The following GALNTL6 variants were observed in gnomAD, a reference collection of about 807,000 sequenced individuals.
The protein encoded by GALNTL6 is polypeptide N-acetylgalactosaminyltransferase-like 6.
GALNTL6 carries 46 observed loss-of-function variants against 73.7 expected under a neutral mutation model. The observed-to-expected ratio is 0.62, with a 90% CI of 0.49 to 0.80. GALNTL6 has a LOEUF of 0.80. Among genes scored for constraint, GALNTL6 ranks in the 30% least tolerant of loss-of-function variants. The pLI, the probability that GALNTL6 is intolerant of heterozygous loss-of-function variation, is 0.00. For synonymous variants in GALNTL6, 259 were observed against 263.7 expected (o/e 0.98, Z 0.17); for missense variants, 604 against 755.0 (o/e 0.80, Z 2.34).
intron 2 of GALNTL6, among the ~76,000 whole-genome samples, chr4:172,155,154 C>T (rs1734216896): frequency 6.6e-6 from 1 of 150,706 alleles, no homozygotes; most frequent in South Asian, 2.1e-4. Context: ...CCTGCCACCA[C>T]GCCCAGCTAA....
chr4:172,431,250 G>A (rs115210315), intron 5 of GALNTL6, among the ~76,000 whole-genome samples: 10 of 152,090 alleles, frequency 6.6e-5, no homozygotes, highest in Non-Finnish European at 1.5e-4. Flanking sequence ...AATGAATTCA[G>A]CTATTACTTA....
intron 3 of GALNTL6, among the ~76,000 whole-genome samples, chr4:172,307,653 A>C (rs112121643): frequency 0.031 from 4,665 of 152,218 alleles, 225 homozygotes; most frequent in African/African-American, 0.1. Flanking sequence ...TTTGTCAAAA[A>C]TCAGTTGGCT....
chr4:171,912,711 C>T (rs1256499576), intron 2 of GALNTL6, among the ~76,000 whole-genome samples: 1 of 152,112 alleles, frequency 6.6e-6, no homozygotes, highest in East Asian at 1.9e-4. Context: ...TTCCTCCACC[C>T]TTCCCAGCCT....
intron 2 of GALNTL6, among the ~76,000 whole-genome samples, chr4:172,132,144 A>G (rs1733515349): frequency 6.6e-6 from 1 of 152,010 alleles, no homozygotes; most frequent in Non-Finnish European, 1.5e-5. Context: ...TGGTTATACA[A>G]AAACACAAAC....
chr4:172,146,882 G>A (rs1292584243), intron 2 of GALNTL6, among the ~76,000 whole-genome samples: 1 of 152,158 alleles, frequency 6.6e-6, no homozygotes, highest in East Asian at 1.9e-4. Flanking sequence ...GCACATATTA[G>A]CTACAATCCC....
chr4:172,882,857 G>T lies in GALNTL6; in HGVS notation c.991G>T (p.Asp331Tyr). 6.2e-7 allele frequency: 1 copy of T among 1,612,876 alleles called. No individual in the cohort carries two copies. Among genetic ancestry groups the T allele is most frequent in the South Asian group, 1.1e-5 (1 of 91,070 alleles). ...ATGGTTTTGGGAATTGGGTGGCTAT[G>T]ATCCAGGTTTAGAAATCTGGGGAGG... Reference protein sequence around the residue: ...RKWFWELGGYDPGLEIWGGEQ... With the variant: ...RKWFWELGGYYPGLEIWGGEQ... The change falls in exon 8 of 13, where the codon GAT (aspartate) becomes TAT (tyrosine). Residue 331 changes from aspartate to tyrosine, a missense_variant. Coordinates refer to ENST00000506823, the MANE Select transcript of GALNTL6 (RefSeq NM_001034845.3).
At chr4:172,185,003 G>A (rs780309095) in intron 2 of GALNTL6, among the ~76,000 whole-genome samples, 4 of 152,152 alleles carry the variant, frequency 2.6e-5, no homozygotes, top group East Asian at 1.9e-4. Context: ...AATACATACA[G>A]TTGGGCAGAC....
At chr4:172,844,545 A>T (rs1338737036) in intron 7 of GALNTL6, among the ~76,000 whole-genome samples, 1 of 152,204 alleles carries the variant, frequency 6.6e-6, no homozygotes, top group Non-Finnish European at 1.5e-5. Flanking sequence ...TTTCAAGTTA[A>T]AATTAATTTT....
At chr4:172,752,046 T>TAA (rs5864166) in intron 5 of GALNTL6, among the ~76,000 whole-genome samples, 19,772 of 134,916 alleles carry the variant, frequency 0.15, 1,682 homozygotes, top group Admixed American at 0.25. Context: ...AACTTAAACT[T>TAA]AAAAAAAAAA....
intron 5 of GALNTL6, among the ~76,000 whole-genome samples, chr4:172,414,197 C>T (rs1395298092): frequency 6.6e-6 from 1 of 152,122 alleles, no homozygotes; most frequent in Non-Finnish European, 1.5e-5. Flanking sequence ...AGTGGCTTAT[C>T]ATTGATTAGC....
chr4:172,882,633 C>T (rs1189313286), intron 7 of GALNTL6, among the ~76,000 whole-genome samples, 157 bp from the exon 8 acceptor site: 1 of 152,168 alleles, frequency 6.6e-6, no homozygotes, highest in Non-Finnish European at 1.5e-5. Context: ...GTGAGAGACC[C>T]AATGAGAACC....
chr4:172,479,028 G>A (rs1463211500), intron 5 of GALNTL6, among the ~76,000 whole-genome samples: 1 of 152,110 alleles, frequency 6.6e-6, no homozygotes, highest in Non-Finnish European at 1.5e-5. Flanking sequence ...ATGTTGGTGT[G>A]GATGTGGTGA....
At chr4:172,706,107 G>C (rs765665765) in intron 5 of GALNTL6, among the ~76,000 whole-genome samples, 30 of 151,922 alleles carry the variant, frequency 2.0e-4, no homozygotes, top group Non-Finnish European at 4.4e-4. Flanking sequence ...CAATGACTCA[G>C]ATTTGCTCTT....
At chr4:172,417,232 T>A (rs1186977241) in intron 5 of GALNTL6, among the ~76,000 whole-genome samples, 2 of 152,034 alleles carry the variant, frequency 1.3e-5, no homozygotes, top group Admixed American at 6.6e-5. Flanking sequence ...TCATTTTTTT[T>A]AATGTAGCTG....
intron 2 of GALNTL6, among the ~76,000 whole-genome samples, chr4:171,834,544 T>C (rs1735052913): frequency 6.6e-6 from 1 of 151,956 alleles, no homozygotes; most frequent in Non-Finnish European, 1.5e-5. Context: ...CATAATGGCA[T>C]GATGTAGGGT....
intron 3 of GALNTL6, among the ~76,000 whole-genome samples, chr4:172,242,522 A>G (rs1273331823): frequency 2.0e-4 from 30 of 152,260 alleles, no homozygotes; most frequent in Admixed American, 1.8e-3. Context: ...AGCTGGTTTC[A>G]ACTGTTCTAT....
Position 172,225,090 on chromosome 4 carries a change from G to T in GALNTL6, c.139-4566G>T, listed in dbSNP as rs1579275105. Among the ~76,000 whole-genome samples the T allele has an allele frequency of 2.0e-5, 3 of 152,114 alleles. No homozygotes were observed. In the South Asian group the frequency reaches 6.2e-4, roughly 32 times the overall value. ...GGTCTGAAATATATGCCTCAAGAAGGTACAATACTGTTTATATTAATTTTA... is the reference window on the plus strand; with the variant it reads ...GGTCTGAAATATATGCCTCAAGAAGTTACAATACTGTTTATATTAATTTTA... On this transcript the variant is annotated intron_variant, in intron 2 of 12. Transcript: ENST00000506823.
Position 172,952,252 on chromosome 4 carries a change from G to C in GALNTL6, c.1365G>C (p.Trp455Cys), listed in dbSNP as rs745725849. Residue 455 changes from tryptophan (W) to cysteine (C), a missense_variant, in exon 10 of 13, where the codon TGG (tryptophan) becomes TGC (cysteine). Transcript: ENST00000506823. ...YPPVEPPPAAWGEIRNVAANL... is the reference protein window; with the variant it reads ...YPPVEPPPAACGEIRNVAANL... ...CAGTGGAGCCCCCGCCTGCTGCCTG[G>C]GGGGAGGTGAGGAAAGGTTGCCTGA... 5 of 1,613,554 alleles carry C rather than the reference G, an allele frequency of 3.1e-6. No homozygotes were observed. Among genetic ancestry groups the C allele is most frequent in the East Asian group, 4.5e-5 (2 of 44,858 alleles).
chr4:171,965,390 C>T (rs920859286), intron 2 of GALNTL6, among the ~76,000 whole-genome samples: 1 of 152,096 alleles, frequency 6.6e-6, no homozygotes, highest in African/African-American at 2.4e-5. Flanking sequence ...GGGGCAGTGG[C>T]TCACGCCTGT....
Sources: gnomAD v4.1 joint callset for allele counts (sites outside exome capture counted in the v4.1 genomes callset) on GRCh38, gnomAD v4.1.1 for gene constraint, MANE v1.5 for transcripts, NCBI Gene and HGNC (gene_info 2026-07-23, HGNC 2026-07-21) for gene names.